The following NCOA2 variants were observed in gnomAD, a reference collection of about 807,000 sequenced individuals.
The protein encoded by NCOA2 is nuclear receptor coactivator 2.
Under a neutral mutation model 145.1 loss-of-function variants are expected in NCOA2, and 21 were observed. The ratio of observed to expected loss-of-function variants is 0.14; its 90% CI spans 0.10 to 0.21. The LOEUF (loss-of-function observed/expected upper bound fraction) is 0.21. Among genes scored for constraint, NCOA2 ranks in the 10% least tolerant of loss-of-function variants. The pLI, the probability that NCOA2 is intolerant of heterozygous loss-of-function variation, is 1.00. For synonymous variants in NCOA2, 619 were observed against 637.5 expected (o/e 0.97, Z 0.44); for missense variants, 1,472 against 1,837.6 (o/e 0.80, Z 3.64).
chr8:70,287,936 T>C (rs1219650926), intron 2 of NCOA2, among the ~76,000 whole-genome samples: 2 of 151,014 alleles, frequency 1.3e-5, no homozygotes, highest in African/African-American at 2.5e-5. Flanking sequence ...CTTTTGCTTG[T>C]TTGTTTGTTT....
intron 11 of NCOA2, among the ~76,000 whole-genome samples, chr8:70,154,569 T>C (rs1360679628): frequency 4.6e-5 from 7 of 152,124 alleles, no homozygotes; most frequent in Non-Finnish European, 1.0e-4. Flanking sequence ...CACACCTAGC[T>C]AATTTTTTAT....
At chr8:70,192,611 G>A (rs898894581) in intron 4 of NCOA2, among the ~76,000 whole-genome samples, 3 of 152,238 alleles carry the variant, frequency 2.0e-5, no homozygotes, top group Non-Finnish European at 4.4e-5. Flanking sequence ...AAGGAAGGAA[G>A]AGGCAACCAT....
chr8:70,128,545 G>T (rs1808714993), intron 17 of NCOA2, 35 bp from the exon 18 acceptor site: 28 of 1,600,792 alleles, frequency 1.7e-5, no homozygotes, highest in Non-Finnish European at 2.1e-5. Flanking sequence ...TACATTTTAA[G>T]AACAGAATAC....
intron 2 of NCOA2, among the ~76,000 whole-genome samples, chr8:70,295,739 C>G (rs966494275): frequency 7.2e-5 from 11 of 152,042 alleles, no homozygotes; most frequent in African/African-American, 2.7e-4. Context: ...GTCAGGAGCT[C>G]AAGACCAGCC....
intron 1 of NCOA2, among the ~76,000 whole-genome samples, chr8:70,398,948 T>C (rs948584430): frequency 6.6e-6 from 1 of 152,224 alleles, no homozygotes; most frequent in Non-Finnish European, 1.5e-5. Flanking sequence ...GACCACCTAG[T>C]CTTTTAATTT....
intron 1 of NCOA2, among the ~76,000 whole-genome samples, chr8:70,378,446 T>C (rs368856821): frequency 6.6e-6 from 1 of 152,012 alleles, no homozygotes; most frequent in Non-Finnish European, 1.5e-5. Flanking sequence ...CATTATAAAG[T>C]AGGAGATCCC....
chr8:70,260,754 A>G (rs1264228724), intron 2 of NCOA2, among the ~76,000 whole-genome samples: 1 of 152,218 alleles, frequency 6.6e-6, no homozygotes, highest in Non-Finnish European at 1.5e-5. Context: ...GAACAGTAAC[A>G]CTTATTTTAA....
intron 1 of NCOA2, among the ~76,000 whole-genome samples, chr8:70,337,463 G>A (rs897953345): frequency 3.9e-5 from 6 of 152,078 alleles, no homozygotes; most frequent in Admixed American, 2.0e-4. Context: ...GCTGAGACTC[G>A]AATAGTGATC....
chr8:70,405,743 T>G (rs1814759071), upstream of NCOA2, among the ~76,000 whole-genome samples: 1 of 152,154 alleles, frequency 6.6e-6, no homozygotes, highest in Non-Finnish European at 1.5e-5. Context: ...TTGGCAGAAG[T>G]CCAGAGTCTA....
intron 22 of NCOA2, among the ~76,000 whole-genome samples, chr8:70,118,784 G>A (rs889893815): frequency 1.3e-5 from 2 of 151,518 alleles, no homozygotes; most frequent in Non-Finnish European, 2.9e-5. Flanking sequence ...CGCCTCCCAG[G>A]TTCAAGCAAT....
the NCOA2 span, among the ~76,000 whole-genome samples, chr8:70,448,952 G>C: frequency 2.6e-5 from 4 of 151,940 alleles, no homozygotes; most frequent in Middle Eastern, 3.4e-3. Context: ...CACAGGTGCC[G>C]CACCACCATG....
intron 8 of NCOA2, among the ~76,000 whole-genome samples, chr8:70,163,093 T>C (rs1813228908): frequency 1.3e-5 from 2 of 151,974 alleles, no homozygotes; most frequent in South Asian, 4.1e-4. Flanking sequence ...TTTTGTATTT[T>C]TAATACAGAT....
At chr8:70,315,197 TC>T (rs1326795753) in intron 1 of NCOA2, among the ~76,000 whole-genome samples, 10 of 152,184 alleles carry the variant, frequency 6.6e-5, no homozygotes, top group African/African-American at 2.4e-4. Flanking sequence ...CTTCCTCTTT[TC>T]TTTCAGGTGT....
At chr8:70,407,581 G>A (rs1814802917), upstream of NCOA2, among the ~76,000 whole-genome samples, 2 of 151,168 alleles carry the variant, frequency 1.3e-5, no homozygotes, top group Non-Finnish European at 2.9e-5. Context: ...GAGGTTAAGA[G>A]ATTGAGACCA....
In NCOA2 at chr8:70,111,675, T is replaced by C. The variant is rs1271164253; in HGVS notation, c.*1957A>G. The C allele has an allele frequency of 2.3e-5, 5 of 216,328 alleles. No homozygotes were observed. The highest frequency in any genetic ancestry group is 2.8e-5 in the Non-Finnish European group (3 of 107,390). 13.4% of individuals were successfully genotyped at this position (216,328 alleles called of 1,614,324 possible). ...AGTATGGAGCAACATTTTCAGACTGTCTACTTACCATCTATCTTTGGGCTA... is the reference window on the plus strand; with the variant it reads ...AGTATGGAGCAACATTTTCAGACTGCCTACTTACCATCTATCTTTGGGCTA... On this transcript the variant is annotated 3_prime_UTR_variant, in exon 23 of 23. Coordinates refer to ENST00000452400, the MANE Select transcript of NCOA2 (RefSeq NM_006540.4).
chr8:70,406,662 A>G (rs79606839), upstream of NCOA2, among the ~76,000 whole-genome samples: 1 of 152,232 alleles, frequency 6.6e-6, no homozygotes, highest in Non-Finnish European at 1.5e-5. Context: ...AGTAAAGAAA[A>G]TGACAAATTA....
chr8:70,426,850 T>C, the NCOA2 span, among the ~76,000 whole-genome samples: 3 of 152,218 alleles, frequency 2.0e-5, no homozygotes, highest in Non-Finnish European at 4.4e-5. Context: ...TGGAGTGCAG[T>C]GTCACTGTCA....
intron 2 of NCOA2, among the ~76,000 whole-genome samples, chr8:70,257,415 G>C (rs908398816): frequency 6.6e-6 from 1 of 152,136 alleles, no homozygotes; most frequent in South Asian, 2.1e-4. Context: ...AAACCAATCA[G>C]ATAAGTATCT....
chr8:70,309,974 C>CA (rs1217657530), intron 1 of NCOA2, among the ~76,000 whole-genome samples: 6 of 150,648 alleles, frequency 4.0e-5, no homozygotes, highest in African/African-American at 1.2e-4. Flanking sequence ...AACAAACAAA[C>CA]AAAAAAACGA....
Sources: gnomAD v4.1 joint callset for allele counts (sites outside exome capture counted in the v4.1 genomes callset) on GRCh38, gnomAD v4.1.1 for gene constraint, MANE v1.5 for transcripts, NCBI Gene and HGNC (gene_info 2026-07-23, HGNC 2026-07-21) for gene names.